The following PRIMA1 variants were observed in gnomAD, a reference collection of about 807,000 sequenced individuals.
PRIMA1 encodes proline-rich membrane anchor 1.
PRIMA1 carries 7 observed loss-of-function variants against 17.5 expected under a neutral mutation model. The observed-to-expected ratio is 0.40, with a 90% CI of 0.23 to 0.75. The LOEUF (loss-of-function observed/expected upper bound fraction) is 0.75. PRIMA1 is among the 30% of genes least tolerant of loss of function. PRIMA1 has a pLI of 0.37. For missense variants in PRIMA1, 200 were observed against 201.8 expected (o/e 0.99, Z 0.05); for synonymous variants, 97 against 77.9 (o/e 1.25, Z -1.29).
At chr14:93,767,019 G>C (rs76725350) in intron 3 of PRIMA1, among the ~76,000 whole-genome samples, 3 of 152,200 alleles carry the variant, frequency 2.0e-5, no homozygotes, top group Non-Finnish European at 2.9e-5. Flanking sequence ...GCCCACTGAT[G>C]GGCAGAGTGG....
chr14:93,748,021 T>TG (rs1258486145), intron 3 of PRIMA1, among the ~76,000 whole-genome samples: 4 of 139,408 alleles, frequency 2.9e-5, no homozygotes, highest in African/African-American at 8.6e-5. Flanking sequence ...TGTGTGAGAG[T>TG]GGGGGACTGT....
At chr14:93,777,278 C>T (rs979377402) in intron 3 of PRIMA1, among the ~76,000 whole-genome samples, 2 of 152,160 alleles carry the variant, frequency 1.3e-5, no homozygotes, top group Admixed American at 1.3e-4. Context: ...TTTGTCCATG[C>T]GCTTCCTTCT....
intron 3 of PRIMA1, among the ~76,000 whole-genome samples, chr14:93,761,716 A>G (rs1595213915): frequency 6.6e-6 from 1 of 151,622 alleles, no homozygotes; most frequent in Admixed American, 6.6e-5. Context: ...CCAGCTCCCC[A>G]CCCTCTCCCA....
intron 3 of PRIMA1, among the ~76,000 whole-genome samples, chr14:93,765,554 G>A (rs7152000): frequency 0.026 from 3,941 of 151,486 alleles, 173 homozygotes; most frequent in African/African-American, 0.09. Context: ...TCATCAGCCC[G>A]AGGAGGAAAA....
chr14:93,781,811 CA>C (rs111779864), intron 2 of PRIMA1, among the ~76,000 whole-genome samples: 16,036 of 145,942 alleles, frequency 0.11, 949 homozygotes, highest in Admixed American at 0.21. Flanking sequence ...CCTGTCTCTA[CA>C]AAAAAAAAAT....
In PRIMA1 at chr14:93,720,724, G is replaced by T. The variant is rs532747570; in HGVS notation, c.*720C>A. On this transcript the variant is annotated 3_prime_UTR_variant, in exon 5 of 5. Coordinates refer to ENST00000393140, the MANE Select transcript of PRIMA1 (RefSeq NM_178013.4). ...CCCTGGGCTGCGGGTTCAGTGAGTC[G>T]TTTTGCCCCCGGAAGGCCAGACACT... The T allele has an allele frequency of 4.6e-5, 7 of 152,776 alleles. No individual in the cohort carries two copies. The highest frequency in any genetic ancestry group is 1.7e-4 in the African/African-American group (7 of 41,580). 9.5% of individuals were successfully genotyped at this position (152,776 alleles called of 1,614,324 possible). A position where few individuals can be genotyped will look rare whatever the true frequency, so the allele number is the denominator to read the frequency against.
chr14:93,731,727 C>T (rs2076115718), intron 4 of PRIMA1, among the ~76,000 whole-genome samples: 1 of 152,172 alleles, frequency 6.6e-6, no homozygotes, highest in South Asian at 2.1e-4. Flanking sequence ...TCTGCCTCCT[C>T]CAGCAGGAGG....
intron 4 of PRIMA1, among the ~76,000 whole-genome samples, chr14:93,728,464 G>T (rs756055890): frequency 1.3e-5 from 2 of 152,258 alleles, no homozygotes; most frequent in African/African-American, 2.4e-5. Flanking sequence ...GAGCGAGGGC[G>T]GAGAGGAGGA....
rs777420844 is a variant in PRIMA1 at position 93,779,182 on chromosome 14, C to A, written c.223G>T (p.Ala75Ser). Residue 75 changes from alanine (A) to serine (S), a missense_variant, in exon 3 of 5, where the codon GCC becomes TCC. Transcript: ENST00000393140. ...PPPPPPRLLS[A>S]PAPNSTSCPT... ...GGAGTGAGCCATTACTTACCTGGGG[C>A]GGAGAGGAGTCTGGGAGGTGGCGGG... 1.9e-6 allele frequency: 2 copies of A among 1,048,624 alleles called. No homozygotes were observed. Among genetic ancestry groups the A allele is most frequent in the Non-Finnish European group, 2.3e-6 (2 of 870,948 alleles). The allele number at this position is 1,048,624 out of a possible 1,614,324, so 65.0% of individuals were successfully genotyped here.
chr14:93,726,593 G>A lies in PRIMA1; in HGVS notation c.360-5047C>T, dbSNP rs1400286345. ...ACACACTATACACATACACATGTAC[G>A]CAAACACACACATATATAATATACA... On this transcript the variant is annotated intron_variant, in intron 4 of 4. Coordinates refer to ENST00000393140, the MANE Select transcript of PRIMA1 (RefSeq NM_178013.4). The surrounding 1 kb of genome is among the most constrained non-coding windows in gnomAD (Gnocchi z 4.2). 6.6e-6 allele frequency among the ~76,000 whole-genome samples: 1 copy of A among 151,082 alleles called. No individual in the cohort carries two copies. Among genetic ancestry groups the A allele is most frequent in the Non-Finnish European group, 1.5e-5 (1 of 67,784 alleles).
intron 3 of PRIMA1, among the ~76,000 whole-genome samples, chr14:93,763,122 C>T (rs1884783633): frequency 6.6e-6 from 1 of 152,240 alleles, no homozygotes; most frequent in African/African-American, 2.4e-5. Flanking sequence ...TGCCCCCTGC[C>T]AGCATATGAA....
chr14:93,719,632 T>C lies in PRIMA1; in HGVS notation c.*1812A>G, dbSNP rs2076024565. On this transcript the variant is annotated 3_prime_UTR_variant, in exon 5 of 5. Transcript: ENST00000393140. ...GAGAGTGCCCTGGGGTGGGGTCTGCTGGGTTTCCCCCTTTAACCTGCTGCT... is the reference window on the plus strand; with the variant it reads ...GAGAGTGCCCTGGGGTGGGGTCTGCCGGGTTTCCCCCTTTAACCTGCTGCT... 1.3e-5 allele frequency: 2 copies of C among 153,052 alleles called. No individual in the cohort carries two copies. The highest frequency in any genetic ancestry group is 6.5e-5 in the Admixed American group (1 of 15,296). The allele number at this position is 153,052 out of a possible 1,614,324, so 9.5% of individuals were successfully genotyped here.
Position 93,719,518 on chromosome 14 carries a change from G to A in PRIMA1, c.*1926C>T, listed in dbSNP as rs2076023713. 1 of 152,528 alleles carries A rather than the reference G, an allele frequency of 6.6e-6. No homozygotes were observed. Among genetic ancestry groups the A allele is most frequent in the African/African-American group, 2.4e-5 (1 of 41,462 alleles). 9.4% of individuals were successfully genotyped at this position (152,528 alleles called of 1,614,324 possible). A position where few individuals can be genotyped will look rare whatever the true frequency, so the allele number is the denominator to read the frequency against. The stretch of plus-strand genomic sequence containing the variant: ...TCTCATGGTTGCAGCACAGGGTGGT[G>A]TGTGCTTAGGGCTAGGGTCCTGCCC... On this transcript the variant is annotated 3_prime_UTR_variant, in exon 5 of 5. Coordinates refer to ENST00000393140, the MANE Select transcript of PRIMA1 (RefSeq NM_178013.4).
intron 3 of PRIMA1, among the ~76,000 whole-genome samples, chr14:93,762,332 T>A (rs1487253746): frequency 6.6e-6 from 1 of 152,096 alleles, no homozygotes; most frequent in Non-Finnish European, 1.5e-5. Flanking sequence ...CCTCATCAAA[T>A]CCCTGCTGGG....
chr14:93,782,923 AC>A (rs1245364770), intron 2 of PRIMA1, among the ~76,000 whole-genome samples: 1 of 152,186 alleles, frequency 6.6e-6, no homozygotes, highest in African/African-American at 2.4e-5. Flanking sequence ...CAAGAACAGG[AC>A]TGAGATTTCT....
At chr14:93,755,078 AACCTGGAAGGT>A (rs2076282567) in intron 3 of PRIMA1, among the ~76,000 whole-genome samples, 3 of 152,192 alleles carry the variant, frequency 2.0e-5, no homozygotes, top group Non-Finnish European at 4.4e-5. Context: ...TATAACCAAT[AACCTGGAAGGT>A]TCTAGAAACA....
chr14:93,735,986 G>A (rs2076147619), intron 4 of PRIMA1, among the ~76,000 whole-genome samples: 1 of 152,174 alleles, frequency 6.6e-6, no homozygotes, highest in Non-Finnish European at 1.5e-5. Flanking sequence ...ACCACACCTG[G>A]CCCCACCTTG....
In PRIMA1 at chr14:93,787,700, C is replaced by G; in HGVS notation, c.19G>C (p.Val7Leu). 6.5e-7 allele frequency: 1 copy of G among 1,544,392 alleles called. No homozygotes were observed. Among genetic ancestry groups the G allele is most frequent in the Non-Finnish European group, 8.7e-7 (1 of 1,146,690 alleles). MLLRDL[V>L]LRRGCCWSSL... is the part of the protein sequence containing the mutation. ...GACCAGCAGCAGCCACGGCGCAGCACCAAGTCCCGGAGGAGCATCTCGGCC... is the reference window on the plus strand; with the variant it reads ...GACCAGCAGCAGCCACGGCGCAGCAGCAAGTCCCGGAGGAGCATCTCGGCC... Residue 7 changes from valine to leucine, a missense_variant, in exon 2 of 5, where the codon GTG (valine) becomes CTG (leucine). Transcript: ENST00000393140.
intron 3 of PRIMA1, among the ~76,000 whole-genome samples, chr14:93,774,862 A>G (rs1885166911): frequency 6.6e-6 from 1 of 152,128 alleles, no homozygotes; most frequent in South Asian, 2.1e-4. Context: ...ACTCAACCCC[A>G]TGGGGTGGGT....
Sources: allele counts gnomAD v4.1 joint callset (sites outside exome capture counted in the v4.1 genomes callset), GRCh38; gene constraint gnomAD v4.1.1; non-coding constraint Gnocchi (gnomAD v3.1); transcripts MANE v1.5; gene names NCBI Gene and HGNC (gene_info 2026-07-23, HGNC 2026-07-21).